Variants in DIAPH2 observed in about 807,000 individuals in gnomAD.
DIAPH2 encodes the protein diaphanous related formin 2.
In DIAPH2, 35 loss-of-function variants were observed where a neutral mutation model predicts 92.7. That is an observed-to-expected ratio of 0.38 (90% CI 0.29 to 0.50). The LOEUF (loss-of-function observed/expected upper bound fraction) is 0.50. Among genes scored for constraint, DIAPH2 ranks in the 20% least tolerant of loss-of-function variants. The pLI is 0.94. For missense variants in DIAPH2, 701 were observed against 819.5 expected (o/e 0.86, Z 1.77); for synonymous variants, 301 against 280.4 (o/e 1.07, Z -0.73).
chrX:97,198,113 T>A (rs1214595622), intron 22 of DIAPH2, among the ~76,000 whole-genome samples: 1 of 110,466 alleles, frequency 9.1e-6, no homozygotes, highest in Non-Finnish European at 1.9e-5. Flanking sequence ...CTGGTGCATG[T>A]CTCATGAATG....
intron 25 of DIAPH2, among the ~76,000 whole-genome samples, chrX:97,396,053 T>C (rs760836135): frequency 8.9e-6 from 1 of 112,593 alleles, no homozygotes; most frequent in South Asian, 3.7e-4. Flanking sequence ...AAACTGACTA[T>C]ATAAGAAATT....
chrX:97,475,835 C>A (rs1171479645), intron 26 of DIAPH2, among the ~76,000 whole-genome samples: 1 of 111,851 alleles, frequency 8.9e-6, no homozygotes, highest in Non-Finnish European at 1.9e-5. Flanking sequence ...ATCTATAAGT[C>A]ATTTTGGGAA....
intron 23 of DIAPH2, among the ~76,000 whole-genome samples, chrX:97,253,293 A>AAAAATAAAATAAAATAAAAT (rs60254229): frequency 0.32 from 29,631 of 91,558 alleles, 4,157 homozygotes; most frequent in East Asian, 0.64. Context: ...CTCCGTAAAA[A>AAAAATAAAATAAAATAAAAT]AAAATAAAAT....
chrX:97,546,632 T>G (rs2071183214), intron 26 of DIAPH2, among the ~76,000 whole-genome samples: 1 of 111,605 alleles, frequency 9.0e-6, no homozygotes, highest in Non-Finnish European at 1.9e-5. Context: ...GGTCAGGGGT[T>G]CAAGACCAGC....
intron 4 of DIAPH2, among the ~76,000 whole-genome samples, chrX:96,867,009 C>T (rs1346295652): frequency 9.0e-6 from 1 of 111,699 alleles, no homozygotes; most frequent in Non-Finnish European, 1.9e-5. Context: ...AAGAATGCTA[C>T]CAGCAGAAAC....
intron 26 of DIAPH2, among the ~76,000 whole-genome samples, chrX:97,532,639 C>T (rs1278042723): frequency 8.9e-6 from 1 of 112,827 alleles, no homozygotes; most frequent in Non-Finnish European, 1.9e-5. Flanking sequence ...AGCTTTAACT[C>T]TGCACTATTT....
chrX:97,073,593 C>T (rs1328712298), intron 18 of DIAPH2, among the ~76,000 whole-genome samples: 1 of 111,910 alleles, frequency 8.9e-6, no homozygotes, highest in Non-Finnish European at 1.9e-5. Context: ...TTATGTAAGC[C>T]TTTAAGTTTT....
intron 26 of DIAPH2, among the ~76,000 whole-genome samples, chrX:97,580,576 T>A (rs2071432566): frequency 1.0e-5 from 1 of 96,602 alleles, no homozygotes; most frequent in African/African-American, 3.8e-5. Context: ...TTTGCCAGTA[T>A]TTTATTGAGG....
intron 9 of DIAPH2, among the ~76,000 whole-genome samples, chrX:96,929,533 C>T (rs1013882108): frequency 1.8e-5 from 2 of 111,121 alleles, no homozygotes; most frequent in Non-Finnish European, 3.8e-5. Context: ...TCCCAAAAAG[C>T]AACTTAAATA....
chrX:97,046,493 A>T (rs1034720577), intron 17 of DIAPH2, among the ~76,000 whole-genome samples: 1 of 111,744 alleles, frequency 8.9e-6, no homozygotes, highest in Admixed American at 9.5e-5. Flanking sequence ...GCAACAGTGT[A>T]GTATGGATTG....
intron 4 of DIAPH2, among the ~76,000 whole-genome samples, chrX:96,870,268 A>AT (rs1429731025): frequency 9.2e-6 from 1 of 108,906 alleles, no homozygotes; most frequent in Non-Finnish European, 1.9e-5. Context: ...TTATTTATTT[A>AT]TTTTTTTTCT....
intron 26 of DIAPH2, among the ~76,000 whole-genome samples, chrX:97,490,510 G>A (rs780013631): frequency 2.8e-5 from 3 of 107,500 alleles, no homozygotes; most frequent in Non-Finnish European, 5.8e-5. Flanking sequence ...GTTTATTTGA[G>A]ATCTTTCTAC....
intron 26 of DIAPH2, among the ~76,000 whole-genome samples, chrX:97,481,010 A>G (rs983846713): frequency 4.5e-5 from 5 of 111,968 alleles, no homozygotes; most frequent in Non-Finnish European, 9.4e-5. Context: ...CTTTCTACCT[A>G]TGAAAACTTC....
At chrX:97,189,432 C>A (rs1484116487) in intron 22 of DIAPH2, among the ~76,000 whole-genome samples, 5 of 84,973 alleles carry the variant, frequency 5.9e-5, no homozygotes, top group African/African-American at 8.6e-5. Flanking sequence ...ATCAGTCGTC[C>A]CCCCCCCTCC....
At chrX:97,179,992 G>A (rs2067525949) in intron 22 of DIAPH2, among the ~76,000 whole-genome samples, 1 of 111,531 alleles carries the variant, frequency 9.0e-6, no homozygotes, top group African/African-American at 3.3e-5. Flanking sequence ...TCTCCCACCA[G>A]GTCCCTCCCA....
At chrX:97,536,028 C>T (rs926581639) in intron 26 of DIAPH2, among the ~76,000 whole-genome samples, 26 of 111,727 alleles carry the variant, frequency 2.3e-4, no homozygotes, top group Non-Finnish European at 3.8e-4. Context: ...GATACAATTG[C>T]TTTATACTTC....
intron 25 of DIAPH2, among the ~76,000 whole-genome samples, chrX:97,403,528 T>G (rs2069778610): frequency 8.9e-6 from 1 of 112,374 alleles, no homozygotes; most frequent in Non-Finnish European, 1.9e-5. Flanking sequence ...TTTCTCTTTT[T>G]TAGTCCCTAA....
intron 23 of DIAPH2, among the ~76,000 whole-genome samples, chrX:97,254,300 TAGC>T (rs1188988418): frequency 9.0e-6 from 1 of 110,632 alleles, no homozygotes; most frequent in Admixed American, 9.6e-5. Context: ...GAGACCAGCC[TAGC>T]CAACATGTTG....
intron 26 of DIAPH2, among the ~76,000 whole-genome samples, chrX:97,526,642 T>G (rs187604043): frequency 5.6e-4 from 62 of 111,600 alleles, no homozygotes; most frequent in African/African-American, 1.9e-3. Context: ...CCCAGTCACC[T>G]AAGTTCAAAC....
Sources: allele counts gnomAD v4.1 joint callset (sites outside exome capture counted in the v4.1 genomes callset), GRCh38; gene constraint gnomAD v4.1.1; transcripts MANE v1.5; gene names NCBI Gene and HGNC (gene_info 2026-07-23, HGNC 2026-07-21).